KCNAB2: variants seen among roughly 807,000 people sequenced by gnomAD.
KCNAB2 encodes potassium voltage-gated channel subfamily A regulatory beta subunit 2.
In KCNAB2, 29 loss-of-function variants were observed where a neutral mutation model predicts 63.6. The observed-to-expected ratio is 0.46, with a 90% CI of 0.34 to 0.62. The LOEUF (loss-of-function observed/expected upper bound fraction) is 0.62. Among genes scored for constraint, KCNAB2 ranks in the 20% least tolerant of loss-of-function variants. The pLI, the probability that KCNAB2 is intolerant of heterozygous loss-of-function variation, is 0.01. For synonymous variants in KCNAB2, 222 were observed against 224.2 expected (o/e 0.99, Z 0.09); for missense variants, 359 against 563.9 (o/e 0.64, Z 3.68).
chr1:6,098,597 G>A lies in KCNAB2; in HGVS notation c.*23G>A, dbSNP rs1416910905. ...TAAGCCGCCCCCGCCCGCCTGCTCG[G>A]ACAGTTTCCGTTCCCTCCTAGTCTC... On this transcript the variant is annotated 3_prime_UTR_variant, in exon 16 of 16. Coordinates refer to ENST00000378083, the MANE Select transcript of KCNAB2 (RefSeq NM_001199862.2). 6.2e-7 allele frequency: 1 copy of A among 1,610,966 alleles called. No homozygotes were observed. Among genetic ancestry groups the A allele is most frequent in the Admixed American group, 1.7e-5 (1 of 59,462 alleles).
intron 2 of KCNAB2, among the ~76,000 whole-genome samples, chr1:6,070,206 G>A (rs1215184206): frequency 6.6e-6 from 1 of 152,180 alleles, no homozygotes; most frequent in Non-Finnish European, 1.5e-5. Flanking sequence ...TTCGTTCTGA[G>A]GGCATTCGTA....
upstream of KCNAB2, chr1:6,041,427 C>T (rs535475383): frequency 3.3e-5 from 7 of 214,316 alleles, no homozygotes; most frequent in East Asian, 1.4e-4. Context: ...CGGGCAGGTG[C>T]GGGTTTGCCA....
At position 6,099,905 on chromosome 1, in the gene KCNAB2, G is replaced by A; in HGVS notation, c.*1331G>A. The A allele has an allele frequency of 1.9e-6, 3 of 1,550,392 alleles. No individual in the cohort carries two copies. Among genetic ancestry groups the A allele is most frequent in the Non-Finnish European group, 8.7e-7 (1 of 1,146,912 alleles). ...GAGGGCAAGGGATGCCAGTAAGTCT[G>A]CAGGTGCGGGGTGCCACCTACAGGC... On this transcript the variant is annotated 3_prime_UTR_variant, in exon 16 of 16. Transcript: ENST00000378083.
chr1:6,009,460 C>T (rs1260639241), intron 1 of KCNAB2, among the ~76,000 whole-genome samples: 2 of 152,226 alleles, frequency 1.3e-5, no homozygotes, highest in East Asian at 1.9e-4. Flanking sequence ...TTCAGATGCA[C>T]GTCCCCTGTC....
Position 6,097,160 on chromosome 1 carries a change from AC to A in KCNAB2, c.1070-104del, listed in dbSNP as rs2100798686. 2.3e-6 allele frequency: 3 copies of A among 1,280,574 alleles called. No homozygotes were observed. The East Asian group carries it at 7.6e-5, about 33-fold the overall frequency. 79.3% of individuals were successfully genotyped at this position (1,280,574 alleles called of 1,614,324 possible). On this transcript the variant is annotated intron_variant, in intron 14 of 15. Transcript: ENST00000378083. ...TGCAGGGCTTCCTAGACCCCCTCAG[AC>A]CCCCAGACCAAGATGCTGGGTCTCT...
chr1:6,009,892 A>G (rs1364791624), intron 1 of KCNAB2, among the ~76,000 whole-genome samples: 3 of 136,880 alleles, frequency 2.2e-5, no homozygotes, highest in Non-Finnish European at 4.6e-5. Flanking sequence ...TTTTTTTCCG[A>G]CAGGGTCTCA....
At chr1:6,097,394 C>G (rs1348247933) in intron 15 of KCNAB2, 37 bp downstream of exon 15, 2 of 1,549,434 alleles carry the variant, frequency 1.3e-6, no homozygotes, top group South Asian at 1.2e-5. Flanking sequence ...GAGGGCCCAT[C>G]CCAGCCCGAG....
In KCNAB2 at chr1:6,099,974, C is replaced by A; in HGVS notation, c.*1400C>A. 6.5e-7 allele frequency: 1 copy of A among 1,548,660 alleles called. No individual in the cohort carries two copies. The highest frequency in any genetic ancestry group is 8.7e-7 in the Non-Finnish European group (1 of 1,146,112). Reference sequence around the variant, plus strand: ...CAGTACCCAGGCTTTGCAGACCACGCGGGGCAGGGCTCCACTGAAGCCACC... The same window carrying A: ...CAGTACCCAGGCTTTGCAGACCACGAGGGGCAGGGCTCCACTGAAGCCACC... On this transcript the variant is annotated 3_prime_UTR_variant, in exon 16 of 16. Transcript: ENST00000378083.
chr1:6,045,728 G>A (rs900709487), upstream of KCNAB2, among the ~76,000 whole-genome samples: 43 of 152,152 alleles, frequency 2.8e-4, no homozygotes, highest in African/African-American at 9.2e-4. The surrounding 1 kb of genome is among the most constrained non-coding windows in gnomAD (Gnocchi z 4.8). Context: ...TCTGTGTCCC[G>A]CACTCAGATA....
At chr1:6,052,446 T>C (rs1295513633) in intron 2 of KCNAB2, among the ~76,000 whole-genome samples, 1 of 151,664 alleles carries the variant, frequency 6.6e-6, no homozygotes, top group African/African-American at 2.4e-5. Flanking sequence ...AAAAAAAGTT[T>C]AGTAAATTCT....
chr1:6,079,427 G>A lies in KCNAB2; in HGVS notation c.301-2768G>A, dbSNP rs890864251. Among the ~76,000 whole-genome samples the A allele has an allele frequency of 2.0e-5, 3 of 152,038 alleles. No homozygotes were observed. In the East Asian group the frequency reaches 5.8e-4, roughly 29 times the overall value. ...CCAGCTACTCAGGAGACTGAAGCAGGAGAATCTCCTGAAGCCAGGAGGCAA... is the reference window on the plus strand; with the variant it reads ...CCAGCTACTCAGGAGACTGAAGCAGAAGAATCTCCTGAAGCCAGGAGGCAA... On this transcript the variant is annotated intron_variant, in intron 4 of 15. Coordinates refer to ENST00000378083, the MANE Select transcript of KCNAB2 (RefSeq NM_001199862.2).
rs905912908 is a variant in KCNAB2, at chr1:6,069,029, C to T, written c.219-3726C>T. Among the ~76,000 whole-genome samples, 7 of 152,138 alleles carry T rather than the reference C, an allele frequency of 4.6e-5. No individual in the cohort carries two copies. The highest frequency in any genetic ancestry group is 8.8e-5 in the Non-Finnish European group (6 of 68,018). On this transcript the variant is annotated intron_variant, in intron 2 of 15. Transcript: ENST00000378083. This position sits in a 1 kb window ranked among gnomAD's most constrained non-coding sequence, Gnocchi z 5.4. ...TGACCCCAGGGCCTGGGCTTCTCAC[C>T]CCTGAATTACTACCCAACATCGTCC... is the stretch of plus-strand genomic sequence containing the variant.
chr1:6,037,827 C>A (rs1406746285), intron 1 of KCNAB2, among the ~76,000 whole-genome samples: 2 of 150,310 alleles, frequency 1.3e-5, no homozygotes, highest in Non-Finnish European at 3.0e-5. Context: ...TCCCAAAGTT[C>A]TGGGATTACA....
At chr1:6,016,259 C>G (rs1410966493) in intron 1 of KCNAB2, among the ~76,000 whole-genome samples, 1 of 152,210 alleles carries the variant, frequency 6.6e-6, no homozygotes, top group African/African-American at 2.4e-5. Context: ...CCTGCTGGGC[C>G]ACCCTCCAAC....
rs1446244592 is a variant in KCNAB2 at position 6,073,444 on chromosome 1, G to A, written c.263-289G>A. Among the ~76,000 whole-genome samples, 1 of 152,196 alleles carries A rather than the reference G, an allele frequency of 6.6e-6. No individual in the cohort carries two copies. Among genetic ancestry groups the A allele is most frequent in the Non-Finnish European group, 1.5e-5 (1 of 68,038 alleles). ...CTTGCGGCATGTCCTTGGAACTAGA[G>A]CTGCCTCAGTACAGCTCTGACCAGC... is the stretch of plus-strand genomic sequence containing the variant. On this transcript the variant is annotated intron_variant, in intron 3 of 15. Coordinates refer to ENST00000378083, the MANE Select transcript of KCNAB2 (RefSeq NM_001199862.2). The surrounding 1 kb of genome is among the most constrained non-coding windows in gnomAD (Gnocchi z 5.7).
chr1:6,097,494 C>A lies in KCNAB2; in HGVS notation c.1158+137C>A, dbSNP rs1293074791. ...GCGCCCGTGAACCATCAGAGTTGTGCTCCTGGAGAGCTTGCTTTCCAGCAG... is the reference window on the plus strand; with the variant it reads ...GCGCCCGTGAACCATCAGAGTTGTGATCCTGGAGAGCTTGCTTTCCAGCAG... On this transcript the variant is annotated intron_variant, in intron 15 of 15. Coordinates refer to ENST00000378083, the MANE Select transcript of KCNAB2 (RefSeq NM_001199862.2). 5.5e-6 allele frequency: 8 copies of A among 1,463,714 alleles called. No individual in the cohort carries two copies. In the African/African-American group the frequency reaches 7.0e-5, roughly 13 times the overall value. 90.7% of individuals were successfully genotyped at this position (1,463,714 alleles called of 1,614,324 possible).
At chr1:6,060,049 T>C (rs1662177411) in intron 2 of KCNAB2, among the ~76,000 whole-genome samples, 2 of 152,230 alleles carry the variant, frequency 1.3e-5, no homozygotes, top group Admixed American at 1.3e-4. Flanking sequence ...TCCCTCCGTG[T>C]CAAGTCTCCC....
rs1463630360 is a variant in KCNAB2 at position 6,069,170 on chromosome 1, A to G, written c.219-3585A>G. Among the ~76,000 whole-genome samples the G allele has an allele frequency of 6.6e-6, 1 of 152,182 alleles. No individual in the cohort carries two copies. The highest frequency in any genetic ancestry group is 2.4e-5 in the African/African-American group (1 of 41,448). The stretch of plus-strand genomic sequence containing the variant: ...CTCGGAGCAGGGCAGGCGTGCAAAC[A>G]TCATCACTGCACGGAGCAGACAGGC... On this transcript the variant is annotated intron_variant, in intron 2 of 15. Coordinates refer to ENST00000378083, the MANE Select transcript of KCNAB2 (RefSeq NM_001199862.2). This position sits in a 1 kb window ranked among gnomAD's most constrained non-coding sequence, Gnocchi z 5.4.
At chr1:6,026,218 G>C (rs762350811) in intron 1 of KCNAB2, 1 of 152,420 alleles carries the variant, frequency 6.6e-6, no homozygotes, top group Non-Finnish European at 1.5e-5. Flanking sequence ...TGGGTCACGC[G>C]CTAGGCATGC....
Sources: allele counts gnomAD v4.1 joint callset (sites outside exome capture counted in the v4.1 genomes callset), GRCh38; gene constraint gnomAD v4.1.1; non-coding constraint Gnocchi (gnomAD v3.1); transcripts MANE v1.5; gene names NCBI Gene and HGNC (gene_info 2026-07-23, HGNC 2026-07-21).